Variants in ANKS1A observed in about 807,000 individuals in gnomAD.
ANKS1A encodes the protein ankyrin repeat and SAM domain-containing protein 1A.
ANKS1A carries 55 observed loss-of-function variants against 120.3 expected under a neutral mutation model. That is an observed-to-expected ratio of 0.46 (90% confidence interval 0.37 to 0.57). The LOEUF (loss-of-function observed/expected upper bound fraction) is 0.57, where lower values mean the gene tolerates loss of function less well. ANKS1A is among the 20% of genes least tolerant of loss of function. The pLI, the probability that ANKS1A is intolerant of heterozygous loss-of-function variation, is 0.00. For synonymous variants in ANKS1A, 590 were observed against 604.7 expected, an observed-to-expected ratio of 0.98 and a Z score of 0.36; for missense variants, 1,123 against 1,480.3, an observed-to-expected ratio of 0.76 and a Z score of 3.96.
intron 14 of ANKS1A, among the ~76,000 whole-genome samples, chr6:35,079,235 G>A (rs576548526): frequency 2.6e-5 from 4 of 152,202 alleles, no homozygotes; most frequent in Admixed American, 6.5e-5. Flanking sequence ...AGCTCAGGGC[G>A]GAGGCGTTCT....
intron 11 of ANKS1A, among the ~76,000 whole-genome samples, chr6:35,043,050 GC>G (rs1397387332): frequency 6.7e-6 from 1 of 149,424 alleles, no homozygotes; most frequent in Non-Finnish European, 1.5e-5. Flanking sequence ...CCCTGCTTTT[GC>G]CTTCGTGCCT....
intron 10 of ANKS1A, among the ~76,000 whole-genome samples, chr6:35,008,689 T>C (rs1773588859): frequency 1.3e-5 from 2 of 151,944 alleles, no homozygotes. Flanking sequence ...GACAGCCATT[T>C]ATATACATGT....
chr6:34,907,288 A>G (rs1767691239), intron 1 of ANKS1A, among the ~76,000 whole-genome samples: 1 of 152,196 alleles, frequency 6.6e-6, no homozygotes, highest in Non-Finnish European at 1.5e-5. Context: ...AGTTAAGAGT[A>G]TTGTACCAGT....
At chr6:34,934,140 A>T (rs569932363) in intron 1 of ANKS1A, among the ~76,000 whole-genome samples, 2 of 151,716 alleles carry the variant, frequency 1.3e-5, no homozygotes, top group South Asian at 2.1e-4. Context: ...CTTTATTTTT[A>T]TTTATTTATT....
rs1581716912 is a variant in ANKS1A at position 35,060,985 on chromosome 6, G to T, written c.2184+732G>T. On this transcript the variant is annotated intron_variant, in intron 13 of 23. Coordinates refer to ENST00000360359, the MANE Select transcript of ANKS1A (RefSeq NM_015245.3). The surrounding 1 kb of genome is among the most constrained non-coding windows in gnomAD (Gnocchi z 4.5). ...TTCTAGAGGCATCTGCATGCGCCGGGCCTGCTTCCAGGAGCAGGCATTTGA... is the reference window on the plus strand; with the variant it reads ...TTCTAGAGGCATCTGCATGCGCCGGTCCTGCTTCCAGGAGCAGGCATTTGA... Among the ~76,000 whole-genome samples, 1 of 152,172 alleles carries T rather than the reference G, an allele frequency of 6.6e-6. No homozygotes were observed. The highest frequency in any genetic ancestry group is 1.5e-5 in the Non-Finnish European group (1 of 68,034).
chr6:35,063,601 G>A (rs573680078), intron 13 of ANKS1A, among the ~76,000 whole-genome samples: 1 of 152,342 alleles, frequency 6.6e-6, no homozygotes, highest in East Asian at 1.9e-4. Flanking sequence ...AAGAAAACAT[G>A]TATGCATAGG....
chr6:35,039,067 T>G (rs1412540332), intron 11 of ANKS1A, among the ~76,000 whole-genome samples: 1 of 139,418 alleles, frequency 7.2e-6, no homozygotes, highest in Non-Finnish European at 1.5e-5. Flanking sequence ...TTTCACCAGT[T>G]TTGCATGTAT....
intron 1 of ANKS1A, among the ~76,000 whole-genome samples, chr6:34,929,487 G>A (rs554890317): frequency 1.8e-4 from 27 of 152,236 alleles, no homozygotes; most frequent in South Asian, 8.3e-4. Context: ...TGCCGTTCAC[G>A]TGTCTCTAGT....
intron 13 of ANKS1A, among the ~76,000 whole-genome samples, chr6:35,065,950 GGTTA>G (rs1307883434): frequency 3.3e-5 from 5 of 152,158 alleles, no homozygotes; most frequent in Non-Finnish European, 1.5e-5. Flanking sequence ...TGAAGCTCCG[GGTTA>G]GTTAAGTAAA....
chr6:34,906,781 G>A (rs1205907532), intron 1 of ANKS1A, among the ~76,000 whole-genome samples: 3 of 152,186 alleles, frequency 2.0e-5, no homozygotes, highest in African/African-American at 7.2e-5. Flanking sequence ...AGCTTCAACC[G>A]ATGTCCACTT....
chr6:34,953,182 T>C (rs904899087), intron 1 of ANKS1A, among the ~76,000 whole-genome samples: 5 of 152,178 alleles, frequency 3.3e-5, no homozygotes, highest in Admixed American at 2.0e-4. Context: ...ACAAAACATA[T>C]TTGAATCTGC....
At chr6:35,011,523 G>A (rs1205233059) in intron 10 of ANKS1A, among the ~76,000 whole-genome samples, 1 of 152,170 alleles carries the variant, frequency 6.6e-6, no homozygotes, top group African/African-American at 2.4e-5. Flanking sequence ...TCAAGACCAA[G>A]TCAATGTGAA....
At chr6:35,065,416 C>A (rs1328359804) in intron 13 of ANKS1A, among the ~76,000 whole-genome samples, 1 of 152,256 alleles carries the variant, frequency 6.6e-6, no homozygotes, top group Non-Finnish European at 1.5e-5. Context: ...GTTGGACTGG[C>A]TGACAGATCC....
chr6:35,019,738 A>G (rs551744333), intron 11 of ANKS1A, among the ~76,000 whole-genome samples: 1 of 152,252 alleles, frequency 6.6e-6, no homozygotes, highest in East Asian at 1.9e-4. Flanking sequence ...ACTTCAAGAT[A>G]AATTTAAGAG....
chr6:35,054,240 C>A, intron 12 of ANKS1A, 75 bp downstream of exon 12: 1 of 1,411,642 alleles, frequency 7.1e-7, no homozygotes, highest in Non-Finnish European at 1.0e-6. Context: ...TTTCCTCTAA[C>A]ACAGAAGACA....
intron 10 of ANKS1A, chr6:35,005,821 G>C (rs1581632801): frequency 4.7e-6 from 2 of 425,108 alleles, no homozygotes; most frequent in East Asian, 7.7e-5. Flanking sequence ...GGGACCCCAA[G>C]GTGGGTGGAT....
chr6:34,979,056 C>T (rs922503578), intron 3 of ANKS1A, among the ~76,000 whole-genome samples: 1 of 151,748 alleles, frequency 6.6e-6, no homozygotes, highest in Non-Finnish European at 1.5e-5. Context: ...CCACCACGCC[C>T]GGGTAATTTT....
chr6:35,043,941 C>T (rs1775598267), intron 11 of ANKS1A, among the ~76,000 whole-genome samples: 1 of 152,150 alleles, frequency 6.6e-6, no homozygotes, highest in African/African-American at 2.4e-5. Flanking sequence ...CCCTAACCAC[C>T]CTTAATTCAA....
At chr6:34,928,591 C>T (rs1393123440) in intron 1 of ANKS1A, among the ~76,000 whole-genome samples, 2 of 151,266 alleles carry the variant, frequency 1.3e-5, no homozygotes, top group East Asian at 3.9e-4. Flanking sequence ...CTAATACTTT[C>T]CATTTAATCT....
Sources: allele counts gnomAD v4.1 joint callset (sites outside exome capture counted in the v4.1 genomes callset), GRCh38; gene constraint gnomAD v4.1.1; non-coding constraint Gnocchi (gnomAD v3.1); transcripts MANE v1.5; gene names NCBI Gene and HGNC (gene_info 2026-07-23, HGNC 2026-07-21).